Variants in PTPRN2 observed in about 807,000 individuals in gnomAD.
The protein encoded by PTPRN2 is protein tyrosine phosphatase receptor type N2.
A neutral mutation model predicts 118.8 loss-of-function variants in PTPRN2; 74 were observed. The ratio of observed to expected loss-of-function variants is 0.62; its 90% CI spans 0.52 to 0.76. The LOEUF (loss-of-function observed/expected upper bound fraction) is 0.76. Ranked by LOEUF, PTPRN2 falls within the 30% of genes least tolerant of loss-of-function variation. The pLI is 0.00. For missense variants in PTPRN2, 1,481 were observed against 1,394.4 expected (o/e 1.06, Z -0.99); for synonymous variants, 641 against 608.0 (o/e 1.05, Z -0.80).
Position 157,860,249 on chromosome 7 carries a change from G to A in PTPRN2, c.1788+38424C>T, listed in dbSNP as rs535371099. ...TCTCTGCATACCCTGGATTTCAGAG[G>A]TCACTGCAGTCAGGCCACCTGAGGA... On this transcript the variant is annotated intron_variant, in intron 12 of 22. Transcript: ENST00000389418. 4.4e-3 allele frequency among the ~76,000 whole-genome samples: 673 copies of A among 152,326 alleles called. 4 individuals are homozygous for A. The highest frequency in any genetic ancestry group is 8.3e-3 in the Non-Finnish European group (566 of 68,030).
At chr7:158,098,460 T>G (rs1814853939) in intron 10 of PTPRN2, among the ~76,000 whole-genome samples, 1 of 152,170 alleles carries the variant, frequency 6.6e-6, no homozygotes, top group East Asian at 1.9e-4. Context: ...GGACTGAGCC[T>G]GGCAAAGCCC....
At chr7:157,746,350 A>C (rs1409201528) in intron 12 of PTPRN2, among the ~76,000 whole-genome samples, 1,143 of 69,310 alleles carry the variant, frequency 0.016, no homozygotes, top group Middle Eastern at 0.024. Context: ...ATTCCCTACA[A>C]CCCACAGTCC....
intron 2 of PTPRN2, among the ~76,000 whole-genome samples, chr7:158,338,033 C>A (rs368257921): frequency 5.9e-5 from 2 of 33,900 alleles, no homozygotes; most frequent in African/African-American, 9.2e-5. Flanking sequence ...TCACTCACAC[C>A]CACACTCTCA....
intron 12 of PTPRN2, among the ~76,000 whole-genome samples, chr7:157,798,675 C>T (rs1484864929): frequency 1.3e-5 from 2 of 152,200 alleles, no homozygotes; most frequent in African/African-American, 4.8e-5. Flanking sequence ...GCGATATTTA[C>T]ACCCTATAAT....
chr7:158,065,179 A>G (rs979802887), intron 11 of PTPRN2, among the ~76,000 whole-genome samples: 5 of 152,198 alleles, frequency 3.3e-5, no homozygotes, highest in Non-Finnish European at 7.3e-5. Flanking sequence ...GGTGGCAGGA[A>G]CCATGCAGTT....
intron 3 of PTPRN2, among the ~76,000 whole-genome samples, chr7:158,313,097 TGA>T (rs776553563): frequency 4.0e-4 from 61 of 152,068 alleles, no homozygotes; most frequent in Non-Finnish European, 7.5e-4. Context: ...AGCATGTGTA[TGA>T]GTGTGCAAGT....
At chr7:158,448,460 G>C (rs1439765600) in intron 2 of PTPRN2, among the ~76,000 whole-genome samples, 4 of 144,526 alleles carry the variant, frequency 2.8e-5, no homozygotes, top group African/African-American at 9.9e-5. Context: ...AGTCTCCGCA[G>C]ACCCAGGTCT....
At chr7:158,071,143 G>C (rs573125068) in intron 11 of PTPRN2, among the ~76,000 whole-genome samples, 1 of 80,532 alleles carries the variant, frequency 1.2e-5, no homozygotes, top group Non-Finnish European at 2.5e-5. Context: ...AGGTGCTCGT[G>C]GTGGTGGAGG....
intron 11 of PTPRN2, among the ~76,000 whole-genome samples, chr7:157,982,089 CTCTAAACCCCGAGT>C (rs1803231992): frequency 6.7e-6 from 1 of 148,720 alleles, no homozygotes; most frequent in Non-Finnish European, 1.5e-5. Flanking sequence ...GCAGGGTCCC[CTCTAAACCCCGAGT>C]CACAGAGACA....
rs940051480 is a variant in PTPRN2 at position 157,734,132 on chromosome 7, T to TC, written c.1789-51196dup. 7.2e-5 allele frequency among the ~76,000 whole-genome samples: 7 copies of TC among 97,154 alleles called. 2 individuals are homozygous for TC. The highest frequency in any genetic ancestry group is 3.0e-4 in the Admixed American group (3 of 9,960). The allele number at this position is 97,154 out of a possible 152,430, so 63.7% of individuals were successfully genotyped here. ...CCATGCGCCCAGCACAGTTACCCTT[T>TC]CCCGTCCCAGGCGCCCAGCACAGTT... On this transcript the variant is annotated intron_variant, in intron 12 of 22. Transcript: ENST00000389418.
chr7:158,489,858 GC>G lies in PTPRN2; in HGVS notation c.113-74del, dbSNP rs1044696242. 9 of 1,383,654 alleles carry G rather than the reference GC, an allele frequency of 6.5e-6. No homozygotes were observed. In the Admixed American group the frequency reaches 1.5e-4, roughly 22 times the overall value. 85.7% of individuals were successfully genotyped at this position (1,383,654 alleles called of 1,614,324 possible). On this transcript the variant is annotated intron_variant, in intron 1 of 22. Coordinates refer to ENST00000389418, the MANE Select transcript of PTPRN2 (RefSeq NM_002847.5). ...GGGTGCCCCCGAGGCTGCCTTCCTG[GC>G]CCCCTGGTGAATTTCAGAGAAACCG...
chr7:157,869,564 A>G lies in PTPRN2; in HGVS notation c.1788+29109T>C, dbSNP rs983530492. On this transcript the variant is annotated intron_variant, in intron 12 of 22. Transcript: ENST00000389418. This position sits in a 1 kb window ranked among gnomAD's most constrained non-coding sequence, Gnocchi z 4.2. ...AAGGCACTGAGGACCTTGGGAATTT[A>G]GCCACATCAATGCAGTCTTTTTCCC... is the stretch of plus-strand genomic sequence containing the variant. 2.0e-5 allele frequency among the ~76,000 whole-genome samples: 3 copies of G among 152,208 alleles called. No homozygotes were observed. Among genetic ancestry groups the G allele is most frequent in the African/African-American group, 7.2e-5 (3 of 41,454 alleles).
rs1810969674 is a variant in PTPRN2, at chr7:158,068,588, A to AT, written c.1723+12709dup. On this transcript the variant is annotated intron_variant, in intron 11 of 22. Coordinates refer to ENST00000389418, the MANE Select transcript of PTPRN2 (RefSeq NM_002847.5). ...ACCACTGGAACCGGGTGCCTATTGA[A>AT]TGTGAGCACTCAGCCCAAATCATCA... is the stretch of plus-strand genomic sequence containing the variant. 4.6e-5 allele frequency among the ~76,000 whole-genome samples: 7 copies of AT among 152,344 alleles called. No individual in the cohort carries two copies. In the South Asian group the frequency reaches 1.5e-3, roughly 32 times the overall value.
chr7:157,822,271 T>C (rs548182446), intron 12 of PTPRN2, among the ~76,000 whole-genome samples: 8 of 151,218 alleles, frequency 5.3e-5, no homozygotes, highest in Admixed American at 3.3e-4. Context: ...CCATCATCCA[T>C]CCATAATACA....
chr7:158,000,047 C>T (rs145075442), intron 11 of PTPRN2, among the ~76,000 whole-genome samples: 1,912 of 152,060 alleles, frequency 0.013, 42 homozygotes, highest in African/African-American at 0.043. Flanking sequence ...CCACCATGCC[C>T]GGCTAATTTC....
At chr7:157,835,843 C>T (rs1563155901) in intron 12 of PTPRN2, among the ~76,000 whole-genome samples, 1 of 152,178 alleles carries the variant, frequency 6.6e-6, no homozygotes, top group Non-Finnish European at 1.5e-5. Context: ...ACTTGTGTTT[C>T]ACTGATGACA....
At chr7:158,108,286 T>C (rs553824819) in intron 10 of PTPRN2, among the ~76,000 whole-genome samples, 28 of 151,956 alleles carry the variant, frequency 1.8e-4, no homozygotes, top group Non-Finnish European at 2.9e-4. Context: ...TGTGCTCCCA[T>C]TGCCACCACA....
At chr7:158,271,759 T>C (rs1374833637) in intron 3 of PTPRN2, among the ~76,000 whole-genome samples, 2 of 152,174 alleles carry the variant, frequency 1.3e-5, no homozygotes, top group East Asian at 1.9e-4. Context: ...TGGTTGGGCC[T>C]TCCCCTGTCA....
At chr7:158,336,500 C>T (rs1253437201) in intron 2 of PTPRN2, among the ~76,000 whole-genome samples, 4 of 132,910 alleles carry the variant, frequency 3.0e-5, no homozygotes, top group African/African-American at 5.6e-5. Flanking sequence ...CCGCAGATGT[C>T]ACTCACACCC....
Sources: gnomAD v4.1 joint callset for allele counts (sites outside exome capture counted in the v4.1 genomes callset) on GRCh38, gnomAD v4.1.1 for gene constraint, Gnocchi (gnomAD v3.1) non-coding constraint, MANE v1.5 for transcripts, NCBI Gene and HGNC (gene_info 2026-07-23, HGNC 2026-07-21) for gene names.